Variants in BEAN1 observed in about 807,000 individuals in gnomAD.
BEAN1 encodes brain expressed associated with NEDD4 1, also known as protein BEAN1.
A neutral mutation model predicts 17.7 loss-of-function variants in BEAN1; 17 were observed. The ratio of observed to expected loss-of-function variants is 0.96; its 90% CI spans 0.66 to 1.44. The LOEUF is 1.44. BEAN1 is among the 40% of genes most tolerant of loss of function. The pLI is 0.00. For synonymous variants in BEAN1, 142 were observed against 151.8 expected (o/e 0.94, Z 0.47); for missense variants, 359 against 374.1 (o/e 0.96, Z 0.33).
chr16:66,465,699 A>G (rs147739256), intron 2 of BEAN1, among the ~76,000 whole-genome samples: 1 of 152,328 alleles, frequency 6.6e-6, no homozygotes, highest in East Asian at 1.9e-4. Flanking sequence ...CAATGAAGCT[A>G]TCTGGTCCTG....
chr16:66,478,753 A>G (rs538239050), intron 4 of BEAN1, among the ~76,000 whole-genome samples: 1 of 152,324 alleles, frequency 6.6e-6, no homozygotes, highest in East Asian at 1.9e-4. Context: ...GATAACTATC[A>G]TGCTGAGGAG....
intron 4 of BEAN1, among the ~76,000 whole-genome samples, chr16:66,480,042 C>T (rs1315439688): frequency 6.6e-6 from 1 of 152,148 alleles, no homozygotes; most frequent in Non-Finnish European, 1.5e-5. Flanking sequence ...ATGAATGGCC[C>T]GTGTCCTCCT....
At chr16:66,467,695 C>T (rs1417536491) in intron 2 of BEAN1, among the ~76,000 whole-genome samples, 5 of 152,222 alleles carry the variant, frequency 3.3e-5, no homozygotes, top group Non-Finnish European at 4.4e-5. Context: ...CATGCATGTC[C>T]AACCAAAGCC....
Position 66,473,721 on chromosome 16 carries a change from T to A in BEAN1, c.290-3839T>A, listed in dbSNP as rs202206411. 0.037 allele frequency among the ~76,000 whole-genome samples: 5,540 copies of A among 150,310 alleles called. 165 individuals are homozygous for A. The highest frequency in any genetic ancestry group is 0.085 in the African/African-American group (3,482 of 40,876). On this transcript the variant is annotated intron_variant, in intron 3 of 4. Coordinates refer to ENST00000536005, the MANE Select transcript of BEAN1 (RefSeq NM_001178020.3). The surrounding 1 kb of genome is among the most constrained non-coding windows in gnomAD (Gnocchi z 4.5). Reference sequence around the variant, plus strand: ...CTAAATAAATAAATAAATAAATAAATAATAAATAATAAATAAAGAGGGAGG... The same window carrying A: ...CTAAATAAATAAATAAATAAATAAAAAATAAATAATAAATAAAGAGGGAGG...
At chr16:66,438,042 G>A in intron 2 of BEAN1, 1 of 386,992 alleles carries the variant, frequency 2.6e-6, no homozygotes, top group East Asian at 5.2e-5. Flanking sequence ...TGCTGGGGGA[G>A]TCATGTTAAG....
intron 2 of BEAN1, chr16:66,437,942 T>C: frequency 1.6e-6 from 1 of 613,102 alleles, no homozygotes; most frequent in Admixed American, 2.5e-5. Flanking sequence ...CTTCCCGAAG[T>C]GTGGATCGGA....
At chr16:66,456,546 G>A (rs1305272888) in intron 2 of BEAN1, among the ~76,000 whole-genome samples, 1 of 152,176 alleles carries the variant, frequency 6.6e-6, no homozygotes, top group African/African-American at 2.4e-5. Context: ...AGATGGTGAT[G>A]GAAGAGAAGA....
At chr16:66,441,777 C>T (rs1209955627) in intron 2 of BEAN1, among the ~76,000 whole-genome samples, 3 of 152,188 alleles carry the variant, frequency 2.0e-5, no homozygotes, top group Non-Finnish European at 4.4e-5. Flanking sequence ...GCTTCCATGG[C>T]TGCAGGCCCT....
intron 4 of BEAN1, among the ~76,000 whole-genome samples, chr16:66,492,797 T>C (rs1964192868): frequency 6.6e-6 from 1 of 152,132 alleles, no homozygotes; most frequent in Admixed American, 6.5e-5. Flanking sequence ...AGTGTACCCC[T>C]GATCATGGGC....
intron 2 of BEAN1, among the ~76,000 whole-genome samples, chr16:66,465,179 T>C (rs1167511986): frequency 6.6e-6 from 1 of 152,266 alleles, no homozygotes; most frequent in East Asian, 1.9e-4. Flanking sequence ...TCTATTGATA[T>C]GGTATATTAC....
chr16:66,480,089 C>G (rs1001005451), intron 4 of BEAN1, among the ~76,000 whole-genome samples: 8 of 152,112 alleles, frequency 5.3e-5, no homozygotes, highest in Non-Finnish European at 1.5e-5. Flanking sequence ...CCCAGGGGCT[C>G]GAGCAGGGGT....
At chr16:66,435,624 A>C (rs1961985294) in intron 1 of BEAN1, among the ~76,000 whole-genome samples, 1 of 152,122 alleles carries the variant, frequency 6.6e-6, no homozygotes, top group African/African-American at 2.4e-5. Flanking sequence ...AGTAGCTGGG[A>C]TCACAGGCAC....
intron 2 of BEAN1, among the ~76,000 whole-genome samples, chr16:66,442,727 G>A (rs1241689391): frequency 6.6e-6 from 1 of 152,194 alleles, no homozygotes; most frequent in African/African-American, 2.4e-5. Context: ...CACCCTTTTG[G>A]TTTGGTGCTC....
downstream of BEAN1, chr16:66,485,210 C>T (rs1406899164): frequency 2.4e-6 from 1 of 415,858 alleles, no homozygotes; most frequent in Non-Finnish European, 4.9e-6. Flanking sequence ...TCCCAAGTTC[C>T]TAGAGATACC....
chr16:66,474,070 CCT>C (rs1353673147), intron 3 of BEAN1, among the ~76,000 whole-genome samples: 1 of 152,168 alleles, frequency 6.6e-6, no homozygotes, highest in Admixed American at 6.5e-5. Flanking sequence ...CCCACAGGCA[CCT>C]CAGGCTCCAG....
rs183913130 is a variant in BEAN1, at chr16:66,454,027, G to A, written c.26-15575G>A. 4.6e-3 allele frequency among the ~76,000 whole-genome samples: 698 copies of A among 152,256 alleles called. 5 individuals carry two copies. The highest frequency in any genetic ancestry group is 0.016 in the African/African-American group (664 of 41,552). On this transcript the variant is annotated intron_variant, in intron 2 of 4. Transcript: ENST00000536005. Reference sequence around the variant, plus strand: ...GGGATTCCAGGCGTGAGCCCACCACGCCCGGCCTAATTTCTAAGTAGTTGG... The same window carrying A: ...GGGATTCCAGGCGTGAGCCCACCACACCCGGCCTAATTTCTAAGTAGTTGG...
At chr16:66,477,950 A>G in intron 4 of BEAN1, 1 of 404,418 alleles carries the variant, frequency 2.5e-6, no homozygotes, top group Non-Finnish European at 4.4e-6. Flanking sequence ...CCACCTCCTC[A>G]GGCTGTTGAG....
At chr16:66,432,495 G>A (rs968088378) in intron 1 of BEAN1, among the ~76,000 whole-genome samples, 1 of 152,176 alleles carries the variant, frequency 6.6e-6, no homozygotes, top group Non-Finnish European at 1.5e-5. Flanking sequence ...CTTCCTTCTG[G>A]CTCTAGACAA....
At chr16:66,439,814 T>G (rs1962179175) in intron 2 of BEAN1, among the ~76,000 whole-genome samples, 1 of 152,158 alleles carries the variant, frequency 6.6e-6, no homozygotes, top group Non-Finnish European at 1.5e-5. Context: ...ACCAGATCCC[T>G]CCATGACTTT....
Sources: gnomAD v4.1 joint callset for allele counts (sites outside exome capture counted in the v4.1 genomes callset) on GRCh38, gnomAD v4.1.1 for gene constraint, Gnocchi (gnomAD v3.1) non-coding constraint, MANE v1.5 for transcripts, NCBI Gene and HGNC (gene_info 2026-07-23, HGNC 2026-07-21) for gene names.